The following ABCB1 variants were observed in gnomAD, a reference collection of about 807,000 sequenced individuals.
ABCB1 encodes the protein ATP binding cassette subfamily B member 1, also known as ATP-dependent translocase ABCB1.
Under a neutral mutation model 142.0 loss-of-function variants are expected in ABCB1, and 69 were observed. That is an observed-to-expected ratio of 0.49 (90% CI 0.40 to 0.59). ABCB1 has a LOEUF of 0.59. Ranked by LOEUF, ABCB1 falls within the 20% of genes least tolerant of loss-of-function variation. ABCB1 has a pLI of 0.00. For synonymous variants in ABCB1, 532 were observed against 539.2 expected, an observed-to-expected ratio of 0.99 and a Z score of 0.18; for missense variants, 1,326 against 1,554.7, an observed-to-expected ratio of 0.85 and a Z score of 2.47.
At chr7:87,589,805 GGAGAGAGA>G (rs370840500) in intron 3 of ABCB1, among the ~76,000 whole-genome samples, 14 of 105,388 alleles carry the variant, frequency 1.3e-4, no homozygotes, top group East Asian at 1.0e-3. Flanking sequence ...GAGAGAGAGA[GGAGAGAGA>G]GAGAGAGAGA....
intron 1 of ABCB1, among the ~76,000 whole-genome samples, chr7:87,626,934 C>G (rs1201552029): frequency 2.6e-5 from 4 of 152,002 alleles, no homozygotes; most frequent in Non-Finnish European, 4.4e-5. Context: ...TGCCACCACA[C>G]CCGGCTAATT....
At chr7:87,536,032 T>C (rs1816272057) in intron 20 of ABCB1, among the ~76,000 whole-genome samples, 1 of 152,232 alleles carries the variant, frequency 6.6e-6, no homozygotes, top group Admixed American at 6.5e-5. Context: ...CCTTAATTTT[T>C]TAATGTGCTT....
chr7:87,612,203 C>T (rs1169473563), intron 1 of ABCB1, among the ~76,000 whole-genome samples: 1 of 152,096 alleles, frequency 6.6e-6, no homozygotes, highest in Non-Finnish European at 1.5e-5. Context: ...TTCTCCCATT[C>T]TGTAGGTTGT....
At chr7:87,518,523 G>A (rs747965514) in intron 23 of ABCB1, among the ~76,000 whole-genome samples, 4 of 152,094 alleles carry the variant, frequency 2.6e-5, no homozygotes, top group Non-Finnish European at 5.9e-5. Context: ...CTTTTTGGGG[G>A]TCATCCTGAG....
At chr7:87,595,291 C>T (rs1489190911) in intron 3 of ABCB1, among the ~76,000 whole-genome samples, 1 of 152,072 alleles carries the variant, frequency 6.6e-6, no homozygotes, top group African/African-American at 2.4e-5. Flanking sequence ...ATAAATAATC[C>T]ATTGCTACCT....
intron 1 of ABCB1, among the ~76,000 whole-genome samples, chr7:87,606,828 A>AT (rs1819672497): frequency 6.6e-6 from 1 of 152,004 alleles, no homozygotes; most frequent in Admixed American, 6.6e-5. Context: ...ATTTTATAAT[A>AT]TTTTTTATAA....
At chr7:87,536,285 T>C (rs1220118559) in intron 20 of ABCB1, among the ~76,000 whole-genome samples, 173 bp downstream of exon 20, 1 of 152,248 alleles carries the variant, frequency 6.6e-6, no homozygotes, top group African/African-American at 2.4e-5. Context: ...CAGTATATAA[T>C]GTTTAAATAG....
chr7:87,539,263 C>G lies in ABCB1; in HGVS notation c.2397+5G>C. 2.5e-6 allele frequency: 4 copies of G among 1,613,924 alleles called. No homozygotes were observed. Among genetic ancestry groups the G allele is most frequent in the Non-Finnish European group, 3.4e-6 (4 of 1,179,920 alleles). On this transcript the variant is annotated splice_donor_5th_base_variant and intron_variant, in intron 19 of 27. Coordinates refer to ENST00000622132, the MANE Select transcript of ABCB1 (RefSeq NM_001348946.2). ...ATCCCAGGGCACAGCCCTCGATAGA[C>G]ATACCTGTCTGAGCATGGATCGGAA...
Position 87,550,583 on chromosome 7 carries a change from A to G in ABCB1, c.1114-5T>C. 1.2e-6 allele frequency: 2 copies of G among 1,611,874 alleles called. No homozygotes were observed. The highest frequency in any genetic ancestry group is 1.7e-6 in the Non-Finnish European group (2 of 1,178,702). ...ATAGCTGTCAATACTTGGCTTCTAA[A>G]CAGAATCAAATTTTAAGAGATTACT... On this transcript the variant is annotated splice_polypyrimidine_tract_variant and splice_region_variant and intron_variant, in intron 10 of 27. Transcript: ENST00000622132.
intron 1 of ABCB1, among the ~76,000 whole-genome samples, chr7:87,648,398 A>T (rs1823239591): frequency 1.3e-5 from 2 of 152,124 alleles, no homozygotes; most frequent in South Asian, 4.1e-4. Flanking sequence ...GAAAGGATGA[A>T]AATGTCCCAG....
chr7:87,712,522 T>G (rs1830177993), intron 1 of ABCB1, among the ~76,000 whole-genome samples: 1 of 152,110 alleles, frequency 6.6e-6, no homozygotes, highest in Non-Finnish European at 1.5e-5. Flanking sequence ...GTTATGATAG[T>G]CTTTTCCAAA....
intron 1 of ABCB1, among the ~76,000 whole-genome samples, chr7:87,642,040 T>C (rs945463877): frequency 1.3e-5 from 2 of 151,928 alleles, no homozygotes; most frequent in Non-Finnish European, 2.9e-5. Context: ...ACGATATGCT[T>C]TTTGCAGGAA....
At chr7:87,525,721 G>A (rs1213943318) in intron 21 of ABCB1, among the ~76,000 whole-genome samples, 2 of 152,064 alleles carry the variant, frequency 1.3e-5, no homozygotes, top group African/African-American at 2.4e-5. Context: ...GGAAGAAGAG[G>A]GATTGGTCTT....
chr7:87,542,166 T>G (rs754669724), intron 17 of ABCB1, among the ~76,000 whole-genome samples: 1 of 152,136 alleles, frequency 6.6e-6, no homozygotes, highest in Non-Finnish European at 1.5e-5. Context: ...GACAGACAAC[T>G]TTATCCTTCA....
rs28401782 is a variant in ABCB1 at position 87,519,007 on chromosome 7, A to T, written c.2927+319T>A. On this transcript the variant is annotated intron_variant, in intron 23 of 27. Coordinates refer to ENST00000622132, the MANE Select transcript of ABCB1 (RefSeq NM_001348946.2). ...GAAAGTCCTTTAAAAGGAGCCAGTC[A>T]GACTCCTTGCTCAGGGCTAGGCTTC... 72 of 386,328 alleles carry T rather than the reference A, an allele frequency of 1.9e-4. No homozygotes were observed. The East Asian group carries it at 1.9e-3, about 10-fold the overall frequency. 23.9% of individuals were successfully genotyped at this position (386,328 alleles called of 1,614,324 possible).
At chr7:87,527,854 A>G (rs1047984455) in intron 21 of ABCB1, among the ~76,000 whole-genome samples, 1 of 152,142 alleles carries the variant, frequency 6.6e-6, no homozygotes, top group Non-Finnish European at 1.5e-5. Flanking sequence ...TTATGATTTA[A>G]CACTATGTAT....
chr7:87,585,771 A>C, intron 3 of ABCB1, 91 bp from the exon 4 acceptor site: 1 of 1,419,026 alleles, frequency 7.0e-7, no homozygotes, highest in Non-Finnish European at 9.7e-7. Flanking sequence ...CAAAATCCAA[A>C]CATTTTTCAG....
intron 4 of ABCB1, among the ~76,000 whole-genome samples, chr7:87,578,851 G>A (rs1215269989): frequency 6.6e-6 from 1 of 151,418 alleles, no homozygotes; most frequent in African/African-American, 2.4e-5. Flanking sequence ...CCGCCACCAC[G>A]CCCGGCTAAT....
intron 26 of ABCB1, chr7:87,506,264 T>G: frequency 1.8e-6 from 1 of 556,354 alleles, no homozygotes; most frequent in Non-Finnish European, 3.2e-6. Flanking sequence ...ATGATATGTT[T>G]TAGTGTAAAC....
Sources: gnomAD v4.1 joint callset for allele counts (sites outside exome capture counted in the v4.1 genomes callset) on GRCh38, gnomAD v4.1.1 for gene constraint, MANE v1.5 for transcripts, NCBI Gene and HGNC (gene_info 2026-07-23, HGNC 2026-07-21) for gene names.